PSMD13: variants seen among roughly 807,000 people sequenced by gnomAD.
PSMD13 encodes proteasome 26S subunit, non-ATPase 13, also known as 26S proteasome non-ATPase regulatory subunit 13.
PSMD13 carries 8 observed loss-of-function variants against 57.4 expected under a neutral mutation model. That is an observed-to-expected ratio of 0.14 (90% CI 0.08 to 0.25). The LOEUF is 0.25. Among genes scored for constraint, PSMD13 ranks in the 10% least tolerant of loss-of-function variants. The pLI is 1.00. For synonymous variants in PSMD13, 193 were observed against 168.2 expected (o/e 1.15, Z -1.14); for missense variants, 400 against 461.5 (o/e 0.87, Z 1.22).
intron 2 of PSMD13, among the ~76,000 whole-genome samples, chr11:240,751 A>G (rs1328830028): frequency 2.0e-5 from 3 of 152,238 alleles, no homozygotes; most frequent in Non-Finnish European, 4.4e-5. Flanking sequence ...AATACATGTC[A>G]GGAAAGTTCA....
intron 7 of PSMD13, chr11:248,149 C>T (rs1411975315): frequency 2.6e-5 from 4 of 151,310 alleles, no homozygotes; most frequent in African/African-American, 9.8e-5. Flanking sequence ...AAATTCCAGA[C>T]CCATGGGGAC....
Position 244,418 on chromosome 11 carries a change from T to G in PSMD13, c.266-8T>G. On this transcript the variant is annotated splice_region_variant and splice_polypyrimidine_tract_variant and intron_variant, in intron 4 of 12. Transcript: ENST00000532097. ...TGATGGTCCTTCTGATTGTTCCTTC[T>G]TTTCCAGATCCTAATGTGGCTCTTA... 1 of 1,610,248 alleles carries G rather than the reference T, an allele frequency of 6.2e-7. No homozygotes were observed. The highest frequency in any genetic ancestry group is 8.5e-7 in the Non-Finnish European group (1 of 1,176,628).
chr11:248,772 A>T lies in PSMD13; in HGVS notation c.569-4A>T. 1 of 1,613,776 alleles carries T rather than the reference A, an allele frequency of 6.2e-7. No homozygotes were observed. The highest frequency in any genetic ancestry group is 1.1e-5 in the South Asian group (1 of 91,074). ...TTGTAAGTGGGCCTGTGTTGCTACCATAGTGTCTGAGCAGCAGGAGAGAGC... is the reference window on the plus strand; with the variant it reads ...TTGTAAGTGGGCCTGTGTTGCTACCTTAGTGTCTGAGCAGCAGGAGAGAGC... On this transcript the variant is annotated splice_region_variant and splice_polypyrimidine_tract_variant and intron_variant, in intron 7 of 12. Transcript: ENST00000532097.
intron 2 of PSMD13, chr11:243,086 G>A (rs900315468): frequency 2.5e-5 from 12 of 488,544 alleles, no homozygotes; most frequent in South Asian, 1.3e-4. Flanking sequence ...GAGCCACTGC[G>A]CCCGGATGGT....
intron 2 of PSMD13, chr11:243,380 T>C: frequency 3.0e-6 from 1 of 336,590 alleles, no homozygotes. Context: ...ACATAGATCT[T>C]GAATCTCTAG....
chr11:245,712 TTGTGTGTGTGTGTTTG>T (rs1298211655), intron 6 of PSMD13, among the ~76,000 whole-genome samples: 5 of 37,682 alleles, frequency 1.3e-4, no homozygotes, highest in East Asian at 1.8e-3. Context: ...TTGTGTGTGT[TTGTGTGTGTGTGTTTG>T]TGTGTGTGTG....
chr11:239,099 T>C lies in PSMD13; in HGVS notation c.174+23T>C, dbSNP rs772456724. 88 of 1,581,426 alleles carry C rather than the reference T, an allele frequency of 5.6e-5. No homozygotes were observed. The Middle Eastern group carries it at 3.0e-3, about 54-fold the overall frequency. On this transcript the variant is annotated intron_variant, in intron 2 of 12. Coordinates refer to ENST00000532097, the MANE Select transcript of PSMD13 (RefSeq NM_002817.4). ...AAGGTAAATAATTTGCTATACCAGA[T>C]TAGATTATATGAATGTGCTCAAGGA...
chr11:238,313 C>T lies in PSMD13; in HGVS notation c.96-685C>T, dbSNP rs74044924. 9.8e-3 allele frequency among the ~76,000 whole-genome samples: 1,487 copies of T among 152,256 alleles called. 26 individuals carry two copies. The highest frequency in any genetic ancestry group is 0.034 in the African/African-American group (1,416 of 41,514). Reference sequence around the variant, plus strand: ...TTTCCAGTGAAACCTCACAATAACCCTTTGAGTTAATCTAGATTAATGTTC... The same window carrying T: ...TTTCCAGTGAAACCTCACAATAACCTTTTGAGTTAATCTAGATTAATGTTC... On this transcript the variant is annotated intron_variant, in intron 1 of 12. Transcript: ENST00000532097.
At chr11:245,727 T>C (rs1859634681) in intron 6 of PSMD13, among the ~76,000 whole-genome samples, 1 of 128,024 alleles carries the variant, frequency 7.8e-6, no homozygotes, top group East Asian at 2.2e-4. Flanking sequence ...TGTGTGTGTT[T>C]GTGTGTGTGT....
intron 2 of PSMD13, among the ~76,000 whole-genome samples, chr11:240,988 C>A (rs182628336): frequency 2.0e-5 from 3 of 152,036 alleles, no homozygotes; most frequent in African/African-American, 4.8e-5. Context: ...CCCGCCACCA[C>A]GCCTGGATAA....
rs149034138 is a variant in PSMD13 at position 236,991 on chromosome 11, C to G, written c.-59C>G. 28 of 1,424,586 alleles carry G rather than the reference C, an allele frequency of 2.0e-5. No homozygotes were observed. The highest frequency in any genetic ancestry group is 1.9e-4 in the Middle Eastern group (1 of 5,306). The allele number at this position is 1,424,586 out of a possible 1,614,324, so 88.2% of individuals were successfully genotyped here. The stretch of plus-strand genomic sequence containing the variant: ...GGAAGTGAGTGAGCATTTCCGGCAG[C>G]CATCCCCGCGGTGCTGACATCCCGG... On this transcript the variant is annotated 5_prime_UTR_variant, in exon 1 of 13. Coordinates refer to ENST00000532097, the MANE Select transcript of PSMD13 (RefSeq NM_002817.4).
Position 252,047 on chromosome 11 carries a change from A to G in PSMD13, c.1035+111A>G, listed in dbSNP as rs1159361516. The G allele has an allele frequency of 2.9e-6, 3 of 1,045,254 alleles. No individual in the cohort carries two copies. Among genetic ancestry groups the G allele is most frequent in the Non-Finnish European group, 4.3e-6 (3 of 700,576 alleles). The allele number at this position is 1,045,254 out of a possible 1,614,324, so 64.7% of individuals were successfully genotyped here. A position where few individuals can be genotyped will look rare whatever the true frequency, so the allele number is the denominator to read the frequency against. ...ATTTGGGAAGACAGCATTATTAGAC[A>G]AGAGGTTTTGGAGAAGGAAATACTG... On this transcript the variant is annotated intron_variant, in intron 12 of 12. Transcript: ENST00000532097. This position sits in a 1 kb window ranked among gnomAD's most constrained non-coding sequence, Gnocchi z 4.1.
In PSMD13 at chr11:252,577, C is replaced by T; in HGVS notation, c.1108C>T (p.Gln370Ter). ...VKSMEMLVEH[Q>*]AHDILT ...GAGCATGGAGATGCTGGTGGAGCAC[C>T]AGGCCCATGACATCCTCACCTAGGG... The change falls in exon 13 of 13, where the codon CAG becomes TAG. Residue 370 changes from glutamine (Q) to a stop codon, truncating the protein, a stop_gained. Transcript: ENST00000532097. LOFTEE classifies it high-confidence loss of function. This position sits in a 1 kb window ranked among gnomAD's most constrained non-coding sequence, Gnocchi z 4.1. 6.2e-7 allele frequency: 1 copy of T among 1,614,142 alleles called. No homozygotes were observed. The highest frequency in any genetic ancestry group is 8.5e-7 in the Non-Finnish European group (1 of 1,180,016).
intron 2 of PSMD13, among the ~76,000 whole-genome samples, chr11:239,357 G>C (rs1177878952): frequency 3.3e-5 from 5 of 152,152 alleles, no homozygotes; most frequent in Non-Finnish European, 7.3e-5. Context: ...TGACATTCTG[G>C]CTTTTTTTGA....
intron 2 of PSMD13, among the ~76,000 whole-genome samples, chr11:242,547 CA>C (rs907202164): frequency 1.4e-5 from 2 of 139,716 alleles, no homozygotes; most frequent in African/African-American, 2.9e-5. Flanking sequence ...TTCTTTCTTC[CA>C]AAAAAACTGC....
chr11:245,233 G>A lies in PSMD13; in HGVS notation c.396+472G>A, dbSNP rs371882680. ...GCTGGGATTACAGCCGTGAGCCGCT[G>A]CGCCCAGCCCCCCCGATTGCTAACC... On this transcript the variant is annotated intron_variant, in intron 6 of 12. Coordinates refer to ENST00000532097, the MANE Select transcript of PSMD13 (RefSeq NM_002817.4). Among the ~76,000 whole-genome samples the A allele has an allele frequency of 2.6e-5, 4 of 152,164 alleles. No homozygotes were observed. In the East Asian group the frequency reaches 7.7e-4, roughly 29 times the overall value.
chr11:242,688 G>A (rs1221234758), intron 2 of PSMD13, among the ~76,000 whole-genome samples: 1 of 152,142 alleles, frequency 6.6e-6, no homozygotes. Flanking sequence ...GTTAAATGAT[G>A]CAAACGAAAA....
At chr11:245,305 C>T (rs914158956) in intron 6 of PSMD13, among the ~76,000 whole-genome samples, 1 of 152,064 alleles carries the variant, frequency 6.6e-6, no homozygotes, top group African/African-American at 2.4e-5. Context: ...TTTTCCAAAA[C>T]CACTTAGGAG....
In PSMD13 at chr11:251,647, G is replaced by A. The variant is rs1859766361; in HGVS notation, c.918+21G>A. The A allele has an allele frequency of 1.2e-6, 2 of 1,602,642 alleles. No homozygotes were observed. The highest frequency in any genetic ancestry group is 2.2e-5 in the East Asian group (1 of 44,858). ...ATGAGGTACGGTCCCTAGGCTCAGG[G>A]TGTTAGAGCAGCAAAGCTGCCACAT... On this transcript the variant is annotated intron_variant, in intron 11 of 12. Transcript: ENST00000532097. This position sits in a 1 kb window ranked among gnomAD's most constrained non-coding sequence, Gnocchi z 4.6.
Sources: gnomAD v4.1 joint callset for allele counts (sites outside exome capture counted in the v4.1 genomes callset) on GRCh38, gnomAD v4.1.1 for gene constraint, Gnocchi (gnomAD v3.1) non-coding constraint, MANE v1.5 for transcripts, NCBI Gene and HGNC (gene_info 2026-07-23, HGNC 2026-07-21) for gene names.